The following FAR2 variants were observed in gnomAD, a reference collection of about 807,000 sequenced individuals.
FAR2 encodes the protein fatty acyl-CoA reductase 2.
In FAR2, 19 loss-of-function variants were observed where a neutral mutation model predicts 56.0. That is an observed-to-expected ratio of 0.34 (90% CI 0.24 to 0.50). The LOEUF (loss-of-function observed/expected upper bound fraction) is 0.50. Among genes scored for constraint, FAR2 ranks in the 20% least tolerant of loss-of-function variants. FAR2 has a pLI of 0.98. For synonymous variants in FAR2, 219 were observed against 218.8 expected (o/e 1.00, Z -0.01); for missense variants, 508 against 642.2 (o/e 0.79, Z 2.26).
At chr12:29,293,260 G>A in intron 2 of FAR2, 40 bp from the exon 3 acceptor site, 5 of 1,416,716 alleles carry the variant, frequency 3.5e-6, no homozygotes, top group Non-Finnish European at 4.7e-6. Context: ...TGATAATGAT[G>A]GTGCTATTTT....
At chr12:29,328,845 A>G (rs568705232) in intron 10 of FAR2, among the ~76,000 whole-genome samples, 7 of 152,204 alleles carry the variant, frequency 4.6e-5, no homozygotes, top group African/African-American at 1.7e-4. Flanking sequence ...ATACATATGT[A>G]ACAAGCCTGC....
chr12:29,240,462 T>C (rs1948010568), intron 1 of FAR2, among the ~76,000 whole-genome samples: 1 of 151,996 alleles, frequency 6.6e-6, no homozygotes, highest in African/African-American at 2.4e-5. Context: ...TATAACTGTG[T>C]AGCAAGCACT....
At chr12:29,299,834 G>T (rs1949133010) in intron 4 of FAR2, among the ~76,000 whole-genome samples, 1 of 152,062 alleles carries the variant, frequency 6.6e-6, no homozygotes, top group South Asian at 2.1e-4. Context: ...TTCCCCTTCT[G>T]CTTCACCTGG....
intron 9 of FAR2, among the ~76,000 whole-genome samples, chr12:29,318,431 G>A (rs1949492495): frequency 6.6e-6 from 1 of 152,176 alleles, no homozygotes; most frequent in East Asian, 1.9e-4. Context: ...ACAAAGTTCA[G>A]TTAGGAAAAA....
intron 1 of FAR2, among the ~76,000 whole-genome samples, chr12:29,154,414 GT>G (rs66603297): frequency 0.017 from 2,358 of 141,394 alleles, 47 homozygotes; most frequent in African/African-American, 0.053. Flanking sequence ...TTTTGTTTTT[GT>G]TTTTTTTTTT....
At chr12:29,243,837 T>C (rs1948080262) in intron 1 of FAR2, among the ~76,000 whole-genome samples, 2 of 151,788 alleles carry the variant, frequency 1.3e-5, no homozygotes, top group Non-Finnish European at 2.9e-5. Flanking sequence ...CTTCTTGGAA[T>C]ATCAATGAGT....
At chr12:29,263,415 A>C (rs1948458215) in intron 1 of FAR2, among the ~76,000 whole-genome samples, 1 of 152,162 alleles carries the variant, frequency 6.6e-6, no homozygotes, top group Non-Finnish European at 1.5e-5. Context: ...AACAGGTCTT[A>C]AAACATTTTA....
chr12:29,175,765 C>T (rs967678819), intron 1 of FAR2, among the ~76,000 whole-genome samples: 13 of 152,070 alleles, frequency 8.5e-5, no homozygotes, highest in African/African-American at 3.1e-4. Context: ...TTTAGCGAGA[C>T]CCAGAGCGCT....
chr12:29,150,073 C>T (rs1949670146), intron 1 of FAR2, among the ~76,000 whole-genome samples: 1 of 152,210 alleles, frequency 6.6e-6, no homozygotes, highest in Admixed American at 6.5e-5. Context: ...TAGACATCTT[C>T]CTGCGGCCTG....
At chr12:29,319,209 T>C (rs1949513343) in intron 9 of FAR2, among the ~76,000 whole-genome samples, 1 of 152,036 alleles carries the variant, frequency 6.6e-6, no homozygotes, top group African/African-American at 2.4e-5. Flanking sequence ...CAGGCTGGTC[T>C]CGAACTCCTG....
At chr12:29,258,182 TA>T (rs3032977) in intron 1 of FAR2, among the ~76,000 whole-genome samples, 14,482 of 146,054 alleles carry the variant, frequency 0.099, 1,932 homozygotes, top group African/African-American at 0.31. Context: ...TGTCTTTACT[TA>T]AAAAAAAAAA....
At chr12:29,323,608 G>A (rs2136816988) in intron 10 of FAR2, among the ~76,000 whole-genome samples, 1 of 152,310 alleles carries the variant, frequency 6.6e-6, no homozygotes, top group East Asian at 1.9e-4. Context: ...CTGTTCTGCA[G>A]CCACCGCTGC....
chr12:29,173,361 G>A (rs1949906267), intron 1 of FAR2, among the ~76,000 whole-genome samples: 1 of 152,110 alleles, frequency 6.6e-6, no homozygotes, highest in African/African-American at 2.4e-5. Context: ...AGGAAGGGGA[G>A]CAATAGGGAG....
intron 1 of FAR2, among the ~76,000 whole-genome samples, chr12:29,179,413 T>C: frequency 6.6e-6 from 1 of 152,216 alleles, no homozygotes; most frequent in East Asian, 1.9e-4. Context: ...CCACTTGCTG[T>C]GTACTTACCC....
At chr12:29,273,478 G>A (rs1039844280) in intron 2 of FAR2, among the ~76,000 whole-genome samples, 1 of 152,214 alleles carries the variant, frequency 6.6e-6, no homozygotes, top group Admixed American at 6.5e-5. Context: ...GTGGGGACAA[G>A]TCTTGGGACC....
rs191678091 is a variant in FAR2 at position 29,332,185 on chromosome 12, A to G, written c.1258-415A>G. On this transcript the variant is annotated intron_variant, in intron 10 of 11. Coordinates refer to ENST00000536681, the MANE Select transcript of FAR2 (RefSeq NM_001271783.2). ...GTAATGCTGTAGGAAAGGATGGTAG[A>G]ACAAAGGGATAACACCAAAATTTAA... Among the ~76,000 whole-genome samples, 14 of 152,338 alleles carry G rather than the reference A, an allele frequency of 9.2e-5. No homozygotes were observed. The East Asian group carries it at 2.7e-3, about 29-fold the overall frequency.
chr12:29,224,374 G>A (rs77373893), intron 1 of FAR2, among the ~76,000 whole-genome samples: 1,993 of 152,252 alleles, frequency 0.013, 48 homozygotes, highest in African/African-American at 0.046. Flanking sequence ...TATAGTCTAA[G>A]GCTTTTCATA....
chr12:29,260,876 C>T (rs1462540614), intron 1 of FAR2, among the ~76,000 whole-genome samples: 1 of 152,112 alleles, frequency 6.6e-6, no homozygotes, highest in Non-Finnish European at 1.5e-5. Flanking sequence ...CCCAAGGCCC[C>T]CAAGGCCACC....
At chr12:29,306,821 A>C (rs1158755151) in intron 4 of FAR2, among the ~76,000 whole-genome samples, 2 of 152,310 alleles carry the variant, frequency 1.3e-5, no homozygotes, top group East Asian at 3.9e-4. Context: ...AATAATCGTG[A>C]TTTTGAAGCT....
Sources: gnomAD v4.1 joint callset for allele counts (sites outside exome capture counted in the v4.1 genomes callset) on GRCh38, gnomAD v4.1.1 for gene constraint, MANE v1.5 for transcripts, NCBI Gene and HGNC (gene_info 2026-07-23, HGNC 2026-07-21) for gene names.